COX7B2: variants seen among roughly 807,000 people sequenced by gnomAD.
COX7B2 encodes the protein cytochrome c oxidase subunit 7B2, also known as cytochrome c oxidase subunit 7B2, mitochondrial.
For synonymous variants in COX7B2, 37 were observed against 32.1 expected, an observed-to-expected ratio of 1.15 and a Z score of -0.51; for missense variants, 109 against 95.9, an observed-to-expected ratio of 1.14 and a Z score of -0.57.
intron 2 of COX7B2, among the ~76,000 whole-genome samples, chr4:46,764,737 A>G (rs1716426111): frequency 6.6e-6 from 1 of 151,980 alleles, no homozygotes; most frequent in South Asian, 2.1e-4. Flanking sequence ...TGTTATCTAC[A>G]TTAAACTGAC....
intron 2 of COX7B2, among the ~76,000 whole-genome samples, chr4:46,752,307 G>A (rs1210735902): frequency 2.0e-5 from 3 of 151,156 alleles, no homozygotes; most frequent in Non-Finnish European, 4.4e-5. Flanking sequence ...ATCAGCTTAA[G>A]GAGATTTTGG....
chr4:46,886,004 C>G (rs1279018472), intron 1 of COX7B2, among the ~76,000 whole-genome samples: 1 of 151,960 alleles, frequency 6.6e-6, no homozygotes, highest in Admixed American at 6.6e-5. Flanking sequence ...GCCTACAAGC[C>G]AATGATAACG....
intron 2 of COX7B2, among the ~76,000 whole-genome samples, chr4:46,749,227 C>A (rs902145753): frequency 6.6e-6 from 1 of 152,060 alleles, no homozygotes; most frequent in African/African-American, 2.4e-5. Flanking sequence ...ATGCCTTCAG[C>A]TCCCTCGCAA....
At chr4:46,876,220 C>A (rs1718321122) in intron 1 of COX7B2, among the ~76,000 whole-genome samples, 1 of 152,042 alleles carries the variant, frequency 6.6e-6, no homozygotes, top group African/African-American at 2.4e-5. Context: ...TATTGACTGC[C>A]TAAGAGACAT....
At chr4:46,830,795 G>A (rs1324565425) in intron 2 of COX7B2, among the ~76,000 whole-genome samples, 5 of 152,206 alleles carry the variant, frequency 3.3e-5, no homozygotes, top group Non-Finnish European at 7.3e-5. Flanking sequence ...TCTGCAAATG[G>A]CTTTCAAAGT....
At position 46,900,158 on chromosome 4, in the gene COX7B2, T is replaced by A. The variant is rs537014790; in HGVS notation, c.-105+9002A>T. ...TACATACTGGGATAGTTTACCTAGT[T>A]ACTCGGTGAAAGCATAGAGCAGAAA... On this transcript the variant is annotated intron_variant, in intron 1 of 2. Coordinates refer to ENST00000355591, the MANE Select transcript of COX7B2 (RefSeq NM_130902.3). 4.3e-4 allele frequency among the ~76,000 whole-genome samples: 65 copies of A among 152,310 alleles called. No individual in the cohort carries two copies. The East Asian group carries it at 8.3e-3, about 19-fold the overall frequency.
intron 2 of COX7B2, among the ~76,000 whole-genome samples, chr4:46,786,380 G>GT (rs1717754983): frequency 6.6e-6 from 1 of 152,060 alleles, no homozygotes; most frequent in South Asian, 2.1e-4. Flanking sequence ...TTGATTCCTG[G>GT]TTTTTGCTGT....
At chr4:46,875,560 T>C (rs554338840) in intron 1 of COX7B2, among the ~76,000 whole-genome samples, 1 of 152,146 alleles carries the variant, frequency 6.6e-6, no homozygotes, top group Non-Finnish European at 1.5e-5. Flanking sequence ...ACTTTCATCA[T>C]GTCACAATCT....
intron 2 of COX7B2, among the ~76,000 whole-genome samples, chr4:46,843,292 G>A (rs1424159087): frequency 6.6e-6 from 1 of 151,876 alleles, no homozygotes. Flanking sequence ...GAAAAATAAG[G>A]GGTGTCATAA....
chr4:46,878,508 T>C (rs908076473), intron 1 of COX7B2, among the ~76,000 whole-genome samples: 4 of 151,776 alleles, frequency 2.6e-5, no homozygotes, highest in African/African-American at 9.7e-5. Flanking sequence ...TATAGACACA[T>C]ATATACACAT....
intron 2 of COX7B2, among the ~76,000 whole-genome samples, chr4:46,802,749 G>C (rs1454588448): frequency 6.6e-6 from 1 of 152,118 alleles, no homozygotes; most frequent in Non-Finnish European, 1.5e-5. Context: ...TGGTTATTTT[G>C]TAAGAGAAGT....
chr4:46,843,399 T>C (rs1454730744), intron 2 of COX7B2, among the ~76,000 whole-genome samples: 2 of 152,062 alleles, frequency 1.3e-5, no homozygotes, highest in Non-Finnish European at 2.9e-5. Flanking sequence ...ATTCCTCTTT[T>C]ACAGAAAAGA....
chr4:46,847,138 G>C (rs1332924764), intron 1 of COX7B2, among the ~76,000 whole-genome samples: 1 of 151,982 alleles, frequency 6.6e-6, no homozygotes, highest in Non-Finnish European at 1.5e-5. Flanking sequence ...GCCCTCAAGT[G>C]GACAGACTCA....
chr4:46,790,004 TAA>T (rs879403988), intron 2 of COX7B2, among the ~76,000 whole-genome samples: 267 of 145,928 alleles, frequency 1.8e-3, no homozygotes, highest in African/African-American at 6.5e-3. Flanking sequence ...GTAGGTTTGT[TAA>T]AAAAAAAAAC....
At chr4:46,872,998 G>C (rs1718094966) in intron 1 of COX7B2, among the ~76,000 whole-genome samples, 1 of 112,724 alleles carries the variant, frequency 8.9e-6, no homozygotes, top group Non-Finnish European at 1.7e-5. Flanking sequence ...ACAGGCCCCA[G>C]TGTGTGATGT....
Position 46,843,128 on chromosome 4 carries a change from T to A in COX7B2, c.-50+1832A>T, listed in dbSNP as rs189021084. Among the ~76,000 whole-genome samples, 23 of 152,224 alleles carry A rather than the reference T, an allele frequency of 1.5e-4. No individual in the cohort carries two copies. In the East Asian group the frequency reaches 3.9e-3, roughly 26 times the overall value. ...GTGAGATAGTATCTCATTATGGTTT[T>A]GATTTGCATTTCTCTGATGGCCACT... On this transcript the variant is annotated intron_variant, in intron 2 of 2. Coordinates refer to ENST00000355591, the MANE Select transcript of COX7B2 (RefSeq NM_130902.3).
chr4:46,900,402 T>A (rs1457381442), intron 1 of COX7B2, among the ~76,000 whole-genome samples: 1 of 152,056 alleles, frequency 6.6e-6, no homozygotes, highest in Non-Finnish European at 1.5e-5. Flanking sequence ...AGAAAATCTG[T>A]TTTTTCTTGT....
chr4:46,778,993 A>G (rs539178729), intron 2 of COX7B2, among the ~76,000 whole-genome samples: 55 of 152,328 alleles, frequency 3.6e-4, no homozygotes, highest in Admixed American at 3.5e-3. Context: ...CAATTTAGAT[A>G]CTGAAAATTT....
chr4:46,851,611 A>G (rs1040522974), intron 1 of COX7B2, among the ~76,000 whole-genome samples: 5 of 152,122 alleles, frequency 3.3e-5, no homozygotes, highest in Non-Finnish European at 7.4e-5. Context: ...CTGTTCCAAA[A>G]GATCCTATTC....
Sources: gnomAD v4.1 joint callset for allele counts (sites outside exome capture counted in the v4.1 genomes callset) on GRCh38, gnomAD v4.1.1 for gene constraint, MANE v1.5 for transcripts, NCBI Gene and HGNC (gene_info 2026-07-23, HGNC 2026-07-21) for gene names.